The following NFATC1 variants were observed in gnomAD, a reference collection of about 807,000 sequenced individuals.
The protein encoded by NFATC1 is nuclear factor of activated T-cells, cytoplasmic 1.
A neutral mutation model predicts 76.0 loss-of-function variants in NFATC1; 22 were observed. The observed-to-expected ratio is 0.29, with a 90% CI of 0.21 to 0.41. NFATC1 has a LOEUF of 0.41. NFATC1 is among the 10% of genes least tolerant of loss of function. The pLI, the probability that NFATC1 is intolerant of heterozygous loss-of-function variation, is 1.00. For missense variants in NFATC1, 1,357 were observed against 1,337.7 expected, an observed-to-expected ratio of 1.01 and a Z score of -0.23; for synonymous variants, 704 against 613.1, an observed-to-expected ratio of 1.15 and a Z score of -2.19.
intron 7 of NFATC1, 76 bp downstream of exon 7, chr18:79,461,442 C>A: frequency 1.3e-6 from 2 of 1,503,386 alleles, no homozygotes; most frequent in Non-Finnish European, 9.2e-7. Flanking sequence ...GGAGCCACTG[C>A]GGGTCCCCAG....
intron 2 of NFATC1, among the ~76,000 whole-genome samples, chr18:79,430,141 C>T (rs919156608): frequency 6.6e-6 from 1 of 152,206 alleles, no homozygotes; most frequent in Non-Finnish European, 1.5e-5. Context: ...AGAATGTGTC[C>T]TTGTCATAAA....
chr18:79,449,807 G>A (rs945264519), intron 4 of NFATC1, among the ~76,000 whole-genome samples: 1 of 152,206 alleles, frequency 6.6e-6, no homozygotes, highest in Non-Finnish European at 1.5e-5. Flanking sequence ...CTGCAGGAGT[G>A]GGGAGGAGTC....
intron 2 of NFATC1, chr18:79,420,766 G>T (rs2086060984): frequency 6.6e-6 from 1 of 152,264 alleles, no homozygotes; most frequent in Non-Finnish European, 1.5e-5. Context: ...CGCGTTTCCA[G>T]GCGATGTCGT....
chr18:79,458,302 G>A (rs940428942), intron 6 of NFATC1, among the ~76,000 whole-genome samples: 12 of 150,774 alleles, frequency 8.0e-5, no homozygotes, highest in Admixed American at 6.6e-4. Context: ...GCACGAGGAC[G>A]CCGCGGGGAG....
intron 1 of NFATC1, among the ~76,000 whole-genome samples, chr18:79,399,421 G>A (rs1387386487): frequency 1.3e-5 from 2 of 152,332 alleles, no homozygotes; most frequent in Non-Finnish European, 2.9e-5. Context: ...CCCTCCGCCC[G>A]GGCCGGCTCC....
chr18:79,416,296 T>C (rs997332450), intron 2 of NFATC1, among the ~76,000 whole-genome samples: 7 of 152,226 alleles, frequency 4.6e-5, no homozygotes, highest in African/African-American at 1.7e-4. Context: ...GTCTTCTCTT[T>C]CGCAGACACG....
chr18:79,474,423 A>C (rs2088950128), intron 8 of NFATC1, among the ~76,000 whole-genome samples: 1 of 118,528 alleles, frequency 8.4e-6, no homozygotes, highest in African/African-American at 3.6e-5. Context: ...CTCACTGTCA[A>C]CTTTGCAAGG....
intron 8 of NFATC1, among the ~76,000 whole-genome samples, chr18:79,484,078 T>C (rs1282614611): frequency 1.3e-5 from 2 of 151,752 alleles, no homozygotes; most frequent in Non-Finnish European, 2.9e-5. Flanking sequence ...GTCATTCCAG[T>C]GTGACCTCGG....
Position 79,404,086 on chromosome 18 carries a change from A to G in NFATC1, c.128-6317A>G, listed in dbSNP as rs552516387. 1.1e-3 allele frequency among the ~76,000 whole-genome samples: 175 copies of G among 152,374 alleles called. 1 individual carries two copies. The highest frequency in any genetic ancestry group is 4.0e-3 in the African/African-American group (168 of 41,590). On this transcript the variant is annotated intron_variant, in intron 1 of 9. Coordinates refer to ENST00000427363, the MANE Select transcript of NFATC1 (RefSeq NM_001278669.2). ...TTTCAAAGGAAGATCTCAGCTAGCC[A>G]TGAACAACTTGGATATTTTTTAATT...
At chr18:79,427,705 G>A (rs2086422497) in intron 2 of NFATC1, among the ~76,000 whole-genome samples, 1 of 94,244 alleles carries the variant, frequency 1.1e-5, no homozygotes, top group African/African-American at 4.2e-5. Context: ...TGTGCAGTGG[G>A]TGGGGTTGGG....
chr18:79,500,877 C>G (rs1185446726), intron 9 of NFATC1, among the ~76,000 whole-genome samples: 1 of 152,092 alleles, frequency 6.6e-6, no homozygotes, highest in Non-Finnish European at 1.5e-5. Context: ...AAGAAAAGCC[C>G]AGACCCAGAG....
intron 9 of NFATC1, among the ~76,000 whole-genome samples, chr18:79,503,539 T>C (rs2090056777): frequency 6.6e-6 from 1 of 152,184 alleles, no homozygotes; most frequent in Non-Finnish European, 1.5e-5. Context: ...AGAGGTGCCG[T>C]CATCCGGGCT....
intron 2 of NFATC1, among the ~76,000 whole-genome samples, chr18:79,415,264 A>G (rs982265717): frequency 1.3e-5 from 2 of 152,124 alleles, no homozygotes; most frequent in African/African-American, 4.8e-5. Context: ...CAATTCTTGA[A>G]TTCAATTTCT....
At chr18:79,489,937 G>C (rs564574511) in intron 9 of NFATC1, among the ~76,000 whole-genome samples, 1 of 152,228 alleles carries the variant, frequency 6.6e-6, no homozygotes. Flanking sequence ...TGAGATACCT[G>C]TGCAGACACC....
At chr18:79,421,810 TG>T (rs1262610812) in intron 2 of NFATC1, 1 of 152,312 alleles carries the variant, frequency 6.6e-6, no homozygotes, top group Non-Finnish European at 1.5e-5. Flanking sequence ...CCATGGGCTG[TG>T]TCCTGTCCCC....
At chr18:79,480,834 G>T (rs910295583) in intron 8 of NFATC1, among the ~76,000 whole-genome samples, 1 of 152,228 alleles carries the variant, frequency 6.6e-6, no homozygotes, top group Non-Finnish European at 1.5e-5. Flanking sequence ...CAGAAGAGGC[G>T]CACTGGCCCC....
In NFATC1 at chr18:79,409,245, T is replaced by C. The variant is rs564524999; in HGVS notation, c.128-1158T>C. 2.0e-5 allele frequency among the ~76,000 whole-genome samples: 3 copies of C among 149,380 alleles called. No individual in the cohort carries two copies. The East Asian group carries it at 6.1e-4, about 30-fold the overall frequency. ...TCCATCATCCATCATCCATCCATTA[T>C]TCCTCCATTCCCTATCCATCCATCT... On this transcript the variant is annotated intron_variant, in intron 1 of 9. Coordinates refer to ENST00000427363, the MANE Select transcript of NFATC1 (RefSeq NM_001278669.2).
intron 7 of NFATC1, among the ~76,000 whole-genome samples, chr18:79,464,699 T>TATATATATATA (rs1568994752): frequency 1.3e-4 from 11 of 83,796 alleles, no homozygotes; most frequent in Non-Finnish European, 2.1e-4. Context: ...TATATATTTA[T>TATATATATATA]TTATTTATTT....
At chr18:79,500,295 G>T (rs1229618653) in intron 9 of NFATC1, among the ~76,000 whole-genome samples, 1 of 152,164 alleles carries the variant, frequency 6.6e-6, no homozygotes, top group Non-Finnish European at 1.5e-5. Flanking sequence ...AATAATTAAT[G>T]AGTGAAGTTA....
Sources: allele counts gnomAD v4.1 joint callset (sites outside exome capture counted in the v4.1 genomes callset), GRCh38; gene constraint gnomAD v4.1.1; transcripts MANE v1.5; gene names NCBI Gene and HGNC (gene_info 2026-07-23, HGNC 2026-07-21).